Variants in DKK2 observed in about 807,000 individuals in gnomAD.
The protein encoded by DKK2 is dickkopf-related protein 2.
DKK2 carries 11 observed loss-of-function variants against 28.1 expected under a neutral mutation model. The ratio of observed to expected loss-of-function variants is 0.39; its 90% CI spans 0.25 to 0.65. The LOEUF (loss-of-function observed/expected upper bound fraction) is 0.65, where lower values mean the gene tolerates loss of function less well. Among genes scored for constraint, DKK2 ranks in the 30% least tolerant of loss-of-function variants. The pLI, the probability that DKK2 is intolerant of heterozygous loss-of-function variation, is 0.47. For missense variants in DKK2, 326 were observed against 335.5 expected (o/e 0.97, Z 0.22); for synonymous variants, 135 against 126.5 (o/e 1.07, Z -0.45).
chr4:106,930,152 G>C (rs1724480810), intron 1 of DKK2, among the ~76,000 whole-genome samples: 1 of 152,154 alleles, frequency 6.6e-6, no homozygotes, highest in Non-Finnish European at 1.5e-5. Flanking sequence ...CTTGAGCACA[G>C]TTTTCTGTTC....
At chr4:106,924,794 T>TA in intron 2 of DKK2, 94 bp from the exon 3 acceptor site, 1 of 1,242,886 alleles carries the variant, frequency 8.0e-7, no homozygotes, top group Non-Finnish European at 1.1e-6. Context: ...TGAAGCCATT[T>TA]ATCTATCTGT....
At chr4:107,022,940 G>C (rs1360730243) in intron 1 of DKK2, among the ~76,000 whole-genome samples, 1 of 152,030 alleles carries the variant, frequency 6.6e-6, no homozygotes, top group East Asian at 1.9e-4. Flanking sequence ...GGAATACAAG[G>C]GGGGAAGCAA....
intron 1 of DKK2, among the ~76,000 whole-genome samples, chr4:106,982,961 G>GAAGA (rs200757037): frequency 8.2e-6 from 1 of 121,286 alleles, no homozygotes; most frequent in Non-Finnish European, 1.8e-5. Flanking sequence ...AGAAAAAGAA[G>GAAGA]AAGAAAGAAA....
At chr4:106,937,130 T>G (rs1347396651) in intron 1 of DKK2, among the ~76,000 whole-genome samples, 1 of 150,912 alleles carries the variant, frequency 6.6e-6, no homozygotes, top group Non-Finnish European at 1.5e-5. Context: ...TAACTTTAAA[T>G]GTAAATGGAC....
chr4:107,031,846 TA>T (rs1294199733), intron 1 of DKK2, among the ~76,000 whole-genome samples: 2 of 152,008 alleles, frequency 1.3e-5, no homozygotes, highest in East Asian at 3.9e-4. Flanking sequence ...TTTGGGTTTT[TA>T]AAATTTGTTT....
chr4:107,015,071 C>T (rs1019054753), intron 1 of DKK2, among the ~76,000 whole-genome samples: 14 of 151,586 alleles, frequency 9.2e-5, no homozygotes, highest in African/African-American at 3.4e-4. Context: ...TGTGCTGAAA[C>T]ATTTCTGTGG....
In DKK2 at chr4:107,035,578, A is replaced by G; in HGVS notation, c.14T>C (p.Met5Thr). Residue 5 changes from methionine to threonine, a missense_variant, in exon 1 of 4, where the codon ATG becomes ACG. Transcript: ENST00000285311. MAAL[M>T]RSKDSSCCLL... ...GCAGCAGGACGAATCCTTGCTCCGCATCAACGCGGCCATCTCCCGGCGAGG... is the reference window on the plus strand; with the variant it reads ...GCAGCAGGACGAATCCTTGCTCCGCGTCAACGCGGCCATCTCCCGGCGAGG... The G allele has an allele frequency of 1.2e-6, 2 of 1,614,096 alleles. No homozygotes were observed. The highest frequency in any genetic ancestry group is 1.3e-5 in the African/African-American group (1 of 75,056).
intron 1 of DKK2, among the ~76,000 whole-genome samples, chr4:106,982,257 G>T (rs1723036878): frequency 6.6e-6 from 1 of 152,156 alleles, no homozygotes; most frequent in African/African-American, 2.4e-5. Flanking sequence ...TCTCAAGTAT[G>T]TATTGAGTAT....
intron 1 of DKK2, among the ~76,000 whole-genome samples, chr4:106,958,701 G>T (rs1256882025): frequency 6.6e-6 from 1 of 151,854 alleles, no homozygotes; most frequent in Non-Finnish European, 1.5e-5. Context: ...GCCGGATGTG[G>T]TGGCAGGCGC....
At chr4:106,987,153 TTC>T (rs1265430053) in intron 1 of DKK2, among the ~76,000 whole-genome samples, 1 of 152,246 alleles carries the variant, frequency 6.6e-6, no homozygotes, top group African/African-American at 2.4e-5. Context: ...TTATAAAATG[TTC>T]TGTTTTAAAT....
intron 1 of DKK2, among the ~76,000 whole-genome samples, chr4:106,957,114 A>G (rs1431793530): frequency 6.6e-6 from 1 of 152,230 alleles, no homozygotes; most frequent in East Asian, 1.9e-4. Context: ...ACACGTCTCA[A>G]AAGAAGACAT....
chr4:106,939,319 C>G (rs1578349646), intron 1 of DKK2, among the ~76,000 whole-genome samples: 1 of 152,240 alleles, frequency 6.6e-6, no homozygotes, highest in East Asian at 1.9e-4. Flanking sequence ...ACACCAATAA[C>G]AGACAGAGAG....
chr4:107,035,286 G>T, intron 1 of DKK2, 84 bp downstream of exon 1: 6 of 1,484,226 alleles, frequency 4.0e-6, no homozygotes, highest in Non-Finnish European at 3.7e-6. Flanking sequence ...TCCGAATGTT[G>T]CAAGATGCAA....
At chr4:107,024,608 T>C (rs2110374995) in intron 1 of DKK2, among the ~76,000 whole-genome samples, 1 of 152,334 alleles carries the variant, frequency 6.6e-6, no homozygotes, top group East Asian at 1.9e-4. Context: ...TTGCACTTTA[T>C]AAATTCAGGG....
intron 1 of DKK2, among the ~76,000 whole-genome samples, chr4:106,965,516 C>A (rs905747645): frequency 1.3e-5 from 2 of 152,016 alleles, no homozygotes; most frequent in African/African-American, 4.8e-5. Context: ...ATAATTATTT[C>A]TGTTTAATTC....
chr4:107,034,783 T>G (rs1723937166), intron 1 of DKK2, among the ~76,000 whole-genome samples: 1 of 152,104 alleles, frequency 6.6e-6, no homozygotes, highest in African/African-American at 2.4e-5. Context: ...AGGAGTAATG[T>G]CCCCTCCAGA....
At chr4:106,948,530 G>A (rs573450415) in intron 1 of DKK2, among the ~76,000 whole-genome samples, 13 of 152,214 alleles carry the variant, frequency 8.5e-5, no homozygotes, top group Non-Finnish European at 1.8e-4. Context: ...ACTCACCATC[G>A]GAATGAAAAC....
intron 1 of DKK2, among the ~76,000 whole-genome samples, chr4:107,000,077 G>A (rs1332472667): frequency 1.3e-5 from 2 of 152,066 alleles, no homozygotes; most frequent in Non-Finnish European, 2.9e-5. Flanking sequence ...AACATTAAGA[G>A]GCCAGAATGT....
In DKK2 at chr4:107,035,985, A is replaced by G. The variant is rs919934292; in HGVS notation, c.-394T>C. 4.2e-6 allele frequency: 1 copy of G among 238,256 alleles called. No individual in the cohort carries two copies. Among genetic ancestry groups the G allele is most frequent in the Admixed American group, 5.2e-5 (1 of 19,360 alleles). The allele number at this position is 238,256 out of a possible 1,614,324, so 14.8% of individuals were successfully genotyped here. A position where few individuals can be genotyped will look rare whatever the true frequency, so the allele number is the denominator to read the frequency against. ...TCTCGGCGGTTTAACTCTCCTCTTA[A>G]TTGATCAGGAGGCCCGCATCAGCTC... is the stretch of plus-strand genomic sequence containing the variant. On this transcript the variant is annotated 5_prime_UTR_variant, in exon 1 of 4. Transcript: ENST00000285311.
Sources: gnomAD v4.1 joint callset for allele counts (sites outside exome capture counted in the v4.1 genomes callset) on GRCh38, gnomAD v4.1.1 for gene constraint, MANE v1.5 for transcripts, NCBI Gene and HGNC (gene_info 2026-07-23, HGNC 2026-07-21) for gene names.